The following DCC variants were observed in gnomAD, a reference collection of about 807,000 sequenced individuals.
The protein encoded by DCC is netrin receptor DCC.
DCC carries 58 observed loss-of-function variants against 172.5 expected under a neutral mutation model. The ratio of observed to expected loss-of-function variants is 0.34; its 90% CI spans 0.27 to 0.42. The LOEUF is 0.42. Ranked by LOEUF, DCC falls within the 10% of genes least tolerant of loss-of-function variation. The probability of loss-of-function intolerance (pLI) is 1.00; values close to 1 mark genes in which losing one functional copy is unlikely to be tolerated. For synonymous variants in DCC, 709 were observed against 644.5 expected (o/e 1.10, Z -1.52); for missense variants, 1,740 against 1,791.0 (o/e 0.97, Z 0.51).
rs111457632 is a variant in DCC, at chr18:53,339,987, T to A, written c.2359+80T>A. On this transcript the variant is annotated intron_variant, in intron 15 of 28. Transcript: ENST00000442544. Reference sequence around the variant, plus strand: ...AATTATTGTATTTCTTGGAAAACTGTTCCCTGGTATGATGGTTTCAACTTA... The same window carrying A: ...AATTATTGTATTTCTTGGAAAACTGATCCCTGGTATGATGGTTTCAACTTA... 372 of 1,300,346 alleles carry A rather than the reference T, an allele frequency of 2.9e-4. No homozygotes were observed. The African/African-American group carries it at 4.3e-3, about 15-fold the overall frequency. 80.6% of individuals were successfully genotyped at this position (1,300,346 alleles called of 1,614,324 possible).
At chr18:53,183,255 G>T (rs529558163) in intron 9 of DCC, among the ~76,000 whole-genome samples, 5 of 152,034 alleles carry the variant, frequency 3.3e-5, no homozygotes, top group Non-Finnish European at 7.4e-5. Context: ...TAAAGAGATC[G>T]ACAGCCCAAG....
chr18:52,744,675 C>G (rs548498915), intron 1 of DCC, among the ~76,000 whole-genome samples: 1 of 152,278 alleles, frequency 6.6e-6, no homozygotes, highest in African/African-American at 2.4e-5. Context: ...GGTGAGTGCA[C>G]ACTTTCTCTC....
chr18:52,411,691 C>A (rs1202125840), intron 1 of DCC, among the ~76,000 whole-genome samples: 1 of 152,138 alleles, frequency 6.6e-6, no homozygotes, highest in Non-Finnish European at 1.5e-5. Context: ...AGTTTTGAAT[C>A]CAGGTTCTTC....
intron 5 of DCC, among the ~76,000 whole-genome samples, chr18:52,952,630 A>G (rs1486782706): frequency 6.6e-6 from 1 of 152,166 alleles, no homozygotes; most frequent in Non-Finnish European, 1.5e-5. Context: ...TGTAGTGCTT[A>G]GTGTCATTTC....
At chr18:53,133,785 C>T (rs942508337) in intron 7 of DCC, among the ~76,000 whole-genome samples, 5 of 152,130 alleles carry the variant, frequency 3.3e-5, no homozygotes, top group Non-Finnish European at 5.9e-5. Context: ...TAGGAAACCA[C>T]TCAAGAGAAG....
At chr18:53,062,581 A>G (rs116473116) in intron 5 of DCC, among the ~76,000 whole-genome samples, 4,163 of 152,262 alleles carry the variant, frequency 0.027, 216 homozygotes, top group African/African-American at 0.095. Context: ...TTTGTGGGCT[A>G]AGCCTGAGCC....
intron 7 of DCC, among the ~76,000 whole-genome samples, chr18:53,113,443 A>G (rs531218546): frequency 6.6e-6 from 1 of 151,404 alleles, no homozygotes; most frequent in East Asian, 2.0e-4. Context: ...TCTTACCTGT[A>G]TATATTGATT....
In DCC at chr18:53,508,213, G is replaced by T. The variant is rs556190446; in HGVS notation, c.4111+8703G>T. Among the ~76,000 whole-genome samples, 3 of 137,008 alleles carry T rather than the reference G, an allele frequency of 2.2e-5. No individual in the cohort carries two copies. The Admixed American group carries it at 2.3e-4, about 10-fold the overall frequency. The allele number at this position is 137,008 out of a possible 152,430, so 89.9% of individuals were successfully genotyped here. A position where few individuals can be genotyped will look rare whatever the true frequency, so the allele number is the denominator to read the frequency against. On this transcript the variant is annotated intron_variant, in intron 27 of 28. Transcript: ENST00000442544. The stretch of plus-strand genomic sequence containing the variant: ...CGGCCGAGACCACATTTTTTTTTTA[G>T]ACAGTCTCTTACTCTGTCACCCAAG...
intron 1 of DCC, among the ~76,000 whole-genome samples, chr18:52,397,474 T>C (rs1373552648): frequency 6.6e-6 from 1 of 152,052 alleles, no homozygotes; most frequent in Non-Finnish European, 1.5e-5. Flanking sequence ...AATGTAACAC[T>C]ATTGCTGCTA....
chr18:52,375,022 T>C (rs1223591082), intron 1 of DCC, among the ~76,000 whole-genome samples: 1 of 152,252 alleles, frequency 6.6e-6, no homozygotes, highest in African/African-American at 2.4e-5. Context: ...GATTTAACAA[T>C]CTGATACATG....
intron 15 of DCC, among the ~76,000 whole-genome samples, chr18:53,366,317 G>A (rs1159903099): frequency 1.3e-5 from 2 of 151,988 alleles, no homozygotes; most frequent in Non-Finnish European, 2.9e-5. Context: ...CAAAGTGGTG[G>A]GATTACAGGT....
At chr18:53,492,379 C>A (rs1437915984) in intron 26 of DCC, among the ~76,000 whole-genome samples, 8 of 151,972 alleles carry the variant, frequency 5.3e-5, no homozygotes, top group African/African-American at 1.7e-4. Context: ...AAGTCTTTTC[C>A]CGTGCTTATG....
rs113304485 is a variant in DCC, at chr18:53,378,421, A to C, written c.2360-7622A>C. Among the ~76,000 whole-genome samples the C allele has an allele frequency of 7.8e-3, 850 of 108,690 alleles. 7 individuals are homozygous for C. The highest frequency in any genetic ancestry group is 0.036 in the African/African-American group (805 of 22,608). The allele number at this position is 108,690 out of a possible 152,430, so 71.3% of individuals were successfully genotyped here. A position where few individuals can be genotyped will look rare whatever the true frequency, so the allele number is the denominator to read the frequency against. On this transcript the variant is annotated intron_variant, in intron 15 of 28. Transcript: ENST00000442544. ...TGGCGATTGTTGAGTGTCCCTTTGA[A>C]TGAACAAATGGAAGGATGAAGATTG...
chr18:52,762,172 C>T (rs59364146), intron 2 of DCC, among the ~76,000 whole-genome samples: 31,782 of 152,046 alleles, frequency 0.21, 4,724 homozygotes, highest in African/African-American at 0.42. Context: ...AGAGAAAAGT[C>T]ACATTTAAAT....
At chr18:52,589,025 A>G in intron 1 of DCC, among the ~76,000 whole-genome samples, 1 of 152,206 alleles carries the variant, frequency 6.6e-6, no homozygotes, top group East Asian at 1.9e-4. Context: ...TTGAATTTGT[A>G]CTTTGAAAAG....
intron 3 of DCC, among the ~76,000 whole-genome samples, chr18:52,919,407 A>G (rs2040086600): frequency 6.6e-6 from 1 of 152,190 alleles, no homozygotes; most frequent in Non-Finnish European, 1.5e-5. Context: ...TTTTGGGGGA[A>G]CTTTCTTACT....
chr18:53,351,447 A>ATATATATACAG (rs2057809161), intron 15 of DCC, among the ~76,000 whole-genome samples: 1 of 47,398 alleles, frequency 2.1e-5, no homozygotes, highest in East Asian at 5.9e-4. Context: ...TACAGTGTAT[A>ATATATATACAG]TATATATATA....
At chr18:52,369,022 G>A (rs1300591006) in intron 1 of DCC, among the ~76,000 whole-genome samples, 5 of 152,284 alleles carry the variant, frequency 3.3e-5, no homozygotes, top group African/African-American at 1.2e-4. Flanking sequence ...TTATAGTATC[G>A]GAGAGACTGA....
intron 15 of DCC, among the ~76,000 whole-genome samples, chr18:53,373,793 A>G (rs2058083628): frequency 6.6e-6 from 1 of 152,176 alleles, no homozygotes; most frequent in South Asian, 2.1e-4. Context: ...AGGCAATCTT[A>G]TTGCCATTGC....
Sources: allele counts gnomAD v4.1 joint callset (sites outside exome capture counted in the v4.1 genomes callset), GRCh38; gene constraint gnomAD v4.1.1; transcripts MANE v1.5; gene names NCBI Gene and HGNC (gene_info 2026-07-23, HGNC 2026-07-21).